The following SLC5A11 variants were observed in gnomAD, a reference collection of about 807,000 sequenced individuals.
The protein encoded by SLC5A11 is sodium/myo-inositol cotransporter 2.
Under a neutral mutation model 69.8 loss-of-function variants are expected in SLC5A11, and 48 were observed. That is an observed-to-expected ratio of 0.69 (90% CI 0.55 to 0.87). The LOEUF is 0.87. SLC5A11 is among the 40% of genes least tolerant of loss of function. SLC5A11 has a pLI of 0.00. For synonymous variants in SLC5A11, 319 were observed against 342.4 expected, an observed-to-expected ratio of 0.93 and a Z score of 0.75; for missense variants, 784 against 866.1, an observed-to-expected ratio of 0.91 and a Z score of 1.19.
At chr16:24,863,784 T>A (rs1231032768) in intron 3 of SLC5A11, among the ~76,000 whole-genome samples, 1 of 152,202 alleles carries the variant, frequency 6.6e-6, no homozygotes, top group Admixed American at 6.5e-5. Flanking sequence ...TGGCCCTGTT[T>A]CCATCTCTCT....
At chr16:24,907,275 A>G in intron 12 of SLC5A11, 100 bp downstream of exon 13, 1 of 1,341,612 alleles carries the variant, frequency 7.5e-7, no homozygotes, top group Non-Finnish European at 1.0e-6. Flanking sequence ...CAGGCTGAAG[A>G]GCATTAGGAC....
At chr16:24,891,108 C>A (rs2048772877) in intron 9 of SLC5A11, 34 bp downstream of exon 10, 8 of 1,596,266 alleles carry the variant, frequency 5.0e-6, no homozygotes, top group Non-Finnish European at 6.9e-6. Flanking sequence ...GTTTTTCCTT[C>A]TCTTTGCTTC....
intron 2 of SLC5A11, chr16:24,862,141 G>T (rs2046611290): frequency 2.0e-5 from 3 of 152,670 alleles, no homozygotes. Flanking sequence ...GTAGTGCAAA[G>T]CAGACTGAGA....
intron 1 of SLC5A11, among the ~76,000 whole-genome samples, chr16:24,851,441 G>C (rs537575792): frequency 1.3e-5 from 2 of 152,082 alleles, no homozygotes; most frequent in African/African-American, 2.4e-5. Context: ...CAGGCGAATC[G>C]CTTGGGGGCA....
chr16:24,864,589 T>C (rs1441176411), intron 3 of SLC5A11, among the ~76,000 whole-genome samples: 1 of 151,976 alleles, frequency 6.6e-6, no homozygotes, highest in Non-Finnish European at 1.5e-5. Context: ...TTATAAGGCA[T>C]GCAAAAAAAC....
intron 5 of SLC5A11, 62 bp from the exon 7 acceptor site, chr16:24,875,565 T>TGG (rs60449337): frequency 1.3e-5 from 17 of 1,341,150 alleles, no homozygotes; most frequent in East Asian, 7.2e-5. Context: ...AGGGCTTGTG[T>TGG]GGGGGGGTCA....
chr16:24,869,800 A>ACTTCT (rs1432740746), intron 3 of SLC5A11, 101 bp from the exon 5 acceptor site: 15 of 802,974 alleles, frequency 1.9e-5, no homozygotes, highest in Non-Finnish European at 2.9e-5. Flanking sequence ...GCCTTCCTCT[A>ACTTCT]CTTCTCTTCT....
intron 8 of SLC5A11, among the ~76,000 whole-genome samples, chr16:24,885,588 C>T (rs551513673): frequency 2.2e-5 from 3 of 134,338 alleles, no homozygotes; most frequent in African/African-American, 8.5e-5. Context: ...GTTGAGTCTG[C>T]GGTGAGCTGA....
At chr16:24,911,297 C>G in intron 15 of SLC5A11, 31 bp from the exon 17 acceptor site, 1 of 1,610,286 alleles carries the variant, frequency 6.2e-7, no homozygotes, top group Non-Finnish European at 8.5e-7. Context: ...CAGACCACCT[C>G]TACGGTCTTC....
intron 1 of SLC5A11, among the ~76,000 whole-genome samples, chr16:24,857,321 A>G (rs949518461): frequency 2.6e-5 from 4 of 152,256 alleles, no homozygotes; most frequent in African/African-American, 9.6e-5. Flanking sequence ...TAACACAGAA[A>G]TAAGTCAATG....
intron 2 of SLC5A11, among the ~76,000 whole-genome samples, chr16:24,861,768 A>G (rs2046574033): frequency 6.7e-6 from 1 of 150,320 alleles, no homozygotes; most frequent in African/African-American, 2.5e-5. Flanking sequence ...AAAGAAAGAA[A>G]GAGAAAGAAA....
In SLC5A11 at chr16:24,897,261, C is replaced by G. The variant is rs200036791; in HGVS notation, c.871-713C>G. Among the ~76,000 whole-genome samples, 2 of 151,942 alleles carry G rather than the reference C, an allele frequency of 1.3e-5. 1 individual carries two copies. Among genetic ancestry groups the G allele is most frequent in the East Asian group, 3.9e-4 (2 of 5,184 alleles). ...GAGCCATTGCACCCAGCCTCCTTTG[C>G]CTTTTTAAGGAAGAAGTTCCATGGA... is the stretch of plus-strand genomic sequence containing the variant. On this transcript the variant is annotated intron_variant, in intron 9 of 15. Transcript: ENST00000347898.
chr16:24,890,722 G>A, intron 8 of SLC5A11, 147 bp from the exon 10 acceptor site: 1 of 688,276 alleles, frequency 1.5e-6, no homozygotes, highest in East Asian at 2.5e-5. Flanking sequence ...TTAAAAAAAT[G>A]TGGGGAGGAG....
intron 2 of SLC5A11, among the ~76,000 whole-genome samples, chr16:24,860,806 T>C (rs952776864): frequency 2.0e-5 from 3 of 152,180 alleles, no homozygotes; most frequent in African/African-American, 7.2e-5. Context: ...CCCAGGTTCA[T>C]GCCATTCTCC....
chr16:24,857,644 A>C (rs2059591833), intron 1 of SLC5A11, among the ~76,000 whole-genome samples: 1 of 152,050 alleles, frequency 6.6e-6, no homozygotes, highest in Non-Finnish European at 1.5e-5. Context: ...AATCCTTCTC[A>C]TGCTGTCATC....
intron 2 of SLC5A11, among the ~76,000 whole-genome samples, chr16:24,860,929 A>C (rs1450818872): frequency 3.9e-5 from 6 of 152,014 alleles, no homozygotes; most frequent in African/African-American, 1.4e-4. Context: ...GGATGGTCTC[A>C]ATCTCCTGAC....
At chr16:24,902,446 CTT>C (rs2049704222) in intron 10 of SLC5A11, among the ~76,000 whole-genome samples, 1 of 151,742 alleles carries the variant, frequency 6.6e-6, no homozygotes, top group African/African-American at 2.4e-5. Context: ...AAACTTGACT[CTT>C]GTTTATGCAA....
At chr16:24,909,137 T>C in intron 14 of SLC5A11, 41 bp downstream of exon 15, 2 of 1,597,166 alleles carry the variant, frequency 1.3e-6, no homozygotes, top group Non-Finnish European at 1.7e-6. Flanking sequence ...AGACTTTTTG[T>C]TGGAAGTGAC....
At chr16:24,863,191 T>C (rs2046712188) in intron 3 of SLC5A11, among the ~76,000 whole-genome samples, 1 of 150,688 alleles carries the variant, frequency 6.6e-6, no homozygotes, top group Non-Finnish European at 1.5e-5. Context: ...AAGCAGGGAA[T>C]CATAAAAATA....
Sources: allele counts gnomAD v4.1 joint callset (sites outside exome capture counted in the v4.1 genomes callset), GRCh38; gene constraint gnomAD v4.1.1; transcripts MANE v1.5; gene names NCBI Gene and HGNC (gene_info 2026-07-23, HGNC 2026-07-21).